Variants in AUTS2 observed in about 807,000 individuals in gnomAD.
AUTS2 encodes activator of transcription and developmental regulator AUTS2, also known as autism susceptibility gene 2 protein.
AUTS2 carries 17 observed loss-of-function variants against 112.4 expected under a neutral mutation model. The observed-to-expected ratio is 0.15, with a 90% CI of 0.10 to 0.23. The LOEUF is 0.23. Among genes scored for constraint, AUTS2 ranks in the 10% least tolerant of loss-of-function variants. AUTS2 has a pLI of 1.00. For synonymous variants in AUTS2, 751 were observed against 702.7 expected, an observed-to-expected ratio of 1.07 and a Z score of -1.09; for missense variants, 1,510 against 1,701.6, an observed-to-expected ratio of 0.89 and a Z score of 1.98.
intron 5 of AUTS2, among the ~76,000 whole-genome samples, chr7:70,652,563 T>C (rs764493405): frequency 1.1e-4 from 16 of 152,220 alleles, no homozygotes; most frequent in Non-Finnish European, 1.9e-4. Flanking sequence ...TGCCAAGTCA[T>C]AGAAAATTGT....
intron 5 of AUTS2, among the ~76,000 whole-genome samples, chr7:70,504,970 G>A (rs549618370): frequency 2.6e-5 from 4 of 152,320 alleles, no homozygotes; most frequent in African/African-American, 7.2e-5. Context: ...AGTATGATTA[G>A]TTGTAGTTGT....
chr7:70,101,035 A>G (rs556175759), intron 2 of AUTS2, among the ~76,000 whole-genome samples: 1 of 151,728 alleles, frequency 6.6e-6, no homozygotes, highest in South Asian at 2.1e-4. Context: ...ACACCACCAC[A>G]CCTGGCTAAT....
At chr7:69,649,585 T>A (rs914271613) in intron 1 of AUTS2, among the ~76,000 whole-genome samples, 23 of 152,190 alleles carry the variant, frequency 1.5e-4, no homozygotes, top group African/African-American at 5.3e-4. Flanking sequence ...CTCAAAGACT[T>A]ACAACCTTTC....
chr7:69,911,890 G>A (rs1457787177), intron 2 of AUTS2, among the ~76,000 whole-genome samples: 1 of 152,144 alleles, frequency 6.6e-6, no homozygotes, highest in Non-Finnish European at 1.5e-5. Context: ...GCTTCAGGTT[G>A]TCCCTGGCTT....
chr7:69,756,131 A>G (rs1787936521), intron 1 of AUTS2, among the ~76,000 whole-genome samples: 1 of 152,220 alleles, frequency 6.6e-6, no homozygotes, highest in Non-Finnish European at 1.5e-5. Context: ...ACCCTGTGTA[A>G]TAGTCTAGTG....
At chr7:70,225,728 G>A (rs973212455) in intron 4 of AUTS2, among the ~76,000 whole-genome samples, 3 of 152,084 alleles carry the variant, frequency 2.0e-5, no homozygotes, top group African/African-American at 7.2e-5. Flanking sequence ...GGAAGATTAT[G>A]GTACTTGAAA....
At chr7:70,709,723 A>G (rs1364279201) in intron 6 of AUTS2, among the ~76,000 whole-genome samples, 5 of 152,194 alleles carry the variant, frequency 3.3e-5, no homozygotes, top group African/African-American at 1.2e-4. Flanking sequence ...AAAAATATTT[A>G]CATATATCTT....
intron 2 of AUTS2, among the ~76,000 whole-genome samples, chr7:69,989,980 G>A (rs1249973291): frequency 3.9e-5 from 6 of 152,108 alleles, no homozygotes; most frequent in Non-Finnish European, 1.5e-5. Flanking sequence ...CAACACCATC[G>A]CCCTCCCATC....
intron 3 of AUTS2, among the ~76,000 whole-genome samples, chr7:70,129,564 A>G (rs954270939): frequency 3.9e-5 from 6 of 152,222 alleles, no homozygotes; most frequent in African/African-American, 1.4e-4. Context: ...ACAGGGGGAC[A>G]TTGCTCAATC....
chr7:69,613,588 TA>T (rs1459850721), intron 1 of AUTS2, among the ~76,000 whole-genome samples: 4 of 152,222 alleles, frequency 2.6e-5, no homozygotes, highest in African/African-American at 7.2e-5. Context: ...CACTGAATTC[TA>T]AAAGTAGCTC....
chr7:69,822,367 C>T (rs1402241533), intron 1 of AUTS2, among the ~76,000 whole-genome samples: 1 of 152,144 alleles, frequency 6.6e-6, no homozygotes, highest in Non-Finnish European at 1.5e-5. Context: ...CCTGTAGTGG[C>T]TCACAGCTAC....
At chr7:70,240,761 T>G (rs913241261) in intron 4 of AUTS2, among the ~76,000 whole-genome samples, 5 of 152,238 alleles carry the variant, frequency 3.3e-5, no homozygotes, top group African/African-American at 1.2e-4. Context: ...TTCATGGGTT[T>G]ATGGGAGATT....
intron 1 of AUTS2, among the ~76,000 whole-genome samples, chr7:69,621,469 A>G (rs1259182485): frequency 1.3e-5 from 2 of 152,068 alleles, no homozygotes; most frequent in East Asian, 3.8e-4. Flanking sequence ...AGATGAGAAA[A>G]TAGAGAGCTA....
At chr7:70,446,881 C>A (rs1337985732) in intron 5 of AUTS2, among the ~76,000 whole-genome samples, 1 of 152,082 alleles carries the variant, frequency 6.6e-6, no homozygotes, top group Non-Finnish European at 1.5e-5. Flanking sequence ...GGGGAGCCAC[C>A]CAGGGGATGT....
chr7:70,497,250 G>T (rs1260997507), intron 5 of AUTS2, among the ~76,000 whole-genome samples: 3 of 117,846 alleles, frequency 2.5e-5, no homozygotes, highest in East Asian at 2.6e-4. Flanking sequence ...CACACACCAC[G>T]TACACAGTCA....
At chr7:70,205,549 A>G (rs1199868121) in intron 4 of AUTS2, among the ~76,000 whole-genome samples, 5 of 152,206 alleles carry the variant, frequency 3.3e-5, no homozygotes, top group Non-Finnish European at 5.9e-5. Context: ...ACTGTACTAC[A>G]TAGGCAACTA....
In AUTS2 at chr7:69,891,774, C is replaced by CTTTTTTTTTTTT. The variant is rs763424098; in HGVS notation, c.310-7486_310-7475dup. Among the ~76,000 whole-genome samples the CTTTTTTTTTTTT allele has an allele frequency of 2.2e-3, 59 of 26,736 alleles. 26 individuals carry two copies. Among genetic ancestry groups the CTTTTTTTTTTTT allele is most frequent in the East Asian group, 5.9e-3 (4 of 682 alleles). 17.5% of individuals were successfully genotyped at this position (26,736 alleles called of 152,430 possible). ...ATTCATTCACTTTCCAGACAGATATCTTTTTTTTTTTTTTTTTTTTTTTTT... is the reference window on the plus strand; with the variant it reads ...ATTCATTCACTTTCCAGACAGATATCTTTTTTTTTTTTTTTTTTTTTTTTTTTTTTTTTTTTT... On this transcript the variant is annotated intron_variant, in intron 1 of 18. Coordinates refer to ENST00000342771, the MANE Select transcript of AUTS2 (RefSeq NM_015570.4).
At chr7:70,508,196 A>G (rs932901895) in intron 5 of AUTS2, among the ~76,000 whole-genome samples, 1 of 152,034 alleles carries the variant, frequency 6.6e-6, no homozygotes, top group African/African-American at 2.4e-5. Context: ...TACAAATTAC[A>G]GTATTTCTGG....
intron 2 of AUTS2, among the ~76,000 whole-genome samples, chr7:70,005,724 A>G (rs758444830): frequency 2.6e-5 from 4 of 152,200 alleles, no homozygotes; most frequent in Non-Finnish European, 4.4e-5. Context: ...TGCAAAATCA[A>G]CAAGGGCAAG....
Sources: allele counts gnomAD v4.1 joint callset (sites outside exome capture counted in the v4.1 genomes callset), GRCh38; gene constraint gnomAD v4.1.1; transcripts MANE v1.5; gene names NCBI Gene and HGNC (gene_info 2026-07-23, HGNC 2026-07-21).